SORCS1: variants seen among roughly 807,000 people sequenced by gnomAD.
The protein encoded by SORCS1 is sortilin related VPS10 domain containing receptor 1.
A neutral mutation model predicts 146.1 loss-of-function variants in SORCS1; 60 were observed. The observed-to-expected ratio is 0.41, with a 90% CI of 0.33 to 0.51. The LOEUF (loss-of-function observed/expected upper bound fraction) is 0.51. SORCS1 is among the 20% of genes least tolerant of loss of function. The pLI is 0.21. For synonymous variants in SORCS1, 637 were observed against 584.0 expected (o/e 1.09, Z -1.31); for missense variants, 1,352 against 1,487.6 (o/e 0.91, Z 1.50).
chr10:106,734,233 G>A (rs1413652017), intron 5 of SORCS1, among the ~76,000 whole-genome samples: 4 of 152,152 alleles, frequency 2.6e-5, no homozygotes, highest in Non-Finnish European at 5.9e-5. Context: ...TTTTATGGAA[G>A]GGAAAGGGAG....
In SORCS1 at chr10:106,637,359, T is replaced by C. The variant is rs146078808; in HGVS notation, c.2476-7971A>G. On this transcript the variant is annotated intron_variant, in intron 18 of 25. Transcript: ENST00000263054. ...TTCCCAGGATGTCTGGTTTGAATCA[T>C]GCTGTATAGGTGTTTCTTCACTTTC... Among the ~76,000 whole-genome samples, 30 of 152,324 alleles carry C rather than the reference T, an allele frequency of 2.0e-4. No individual in the cohort carries two copies. The East Asian group carries it at 5.4e-3, about 27-fold the overall frequency.
rs201562792 is a variant in SORCS1, at chr10:107,125,758, CT to C, written c.558+38210del. Among the ~76,000 whole-genome samples the C allele has an allele frequency of 8.2e-4, 125 of 152,258 alleles. 2 individuals are homozygous for C. The East Asian group carries it at 0.019, about 23-fold the overall frequency. On this transcript the variant is annotated intron_variant, in intron 1 of 25. Transcript: ENST00000263054. The stretch of plus-strand genomic sequence containing the variant: ...TGTGTCTTAATTGAATCATTCAGTT[CT>C]TTTTTTCCCCCTCTGCTACTAATAA...
chr10:106,857,909 T>C (rs946661411), intron 2 of SORCS1, among the ~76,000 whole-genome samples: 8 of 152,152 alleles, frequency 5.3e-5, no homozygotes, highest in Admixed American at 2.6e-4. Context: ...CTGAAGGAAA[T>C]TGTCTCCTGC....
At chr10:107,088,771 G>A (rs1963956883) in intron 1 of SORCS1, among the ~76,000 whole-genome samples, 1 of 152,112 alleles carries the variant, frequency 6.6e-6, no homozygotes, top group Non-Finnish European at 1.5e-5. Context: ...AAATGGTAGG[G>A]CCTTAGAATA....
rs181055214 is a variant in SORCS1 at position 106,885,597 on chromosome 10, T to C, written c.627-55924A>G. ...AGTGAAGGAACAGGCAGCCTCAGAATAGGGGAAGCAAGGATGCTCAATGTA... is the reference window on the plus strand; with the variant it reads ...AGTGAAGGAACAGGCAGCCTCAGAACAGGGGAAGCAAGGATGCTCAATGTA... On this transcript the variant is annotated intron_variant, in intron 2 of 25. Transcript: ENST00000263054. 5.9e-5 allele frequency among the ~76,000 whole-genome samples: 9 copies of C among 152,262 alleles called. No homozygotes were observed. The East Asian group carries it at 1.7e-3, about 29-fold the overall frequency.
intron 6 of SORCS1, among the ~76,000 whole-genome samples, chr10:106,723,819 T>C (rs1206472853): frequency 1.3e-5 from 2 of 152,198 alleles, no homozygotes; most frequent in African/African-American, 4.8e-5. Flanking sequence ...ATCTGTGCCA[T>C]GGACCCCATC....
chr10:107,092,738 G>A (rs1221443036), intron 1 of SORCS1, among the ~76,000 whole-genome samples: 1 of 151,872 alleles, frequency 6.6e-6, no homozygotes, highest in African/African-American at 2.4e-5. Flanking sequence ...TCTTTTTGTG[G>A]CTTTTCACTG....
At chr10:106,914,510 T>C (rs1420113052) in intron 2 of SORCS1, among the ~76,000 whole-genome samples, 8 of 152,102 alleles carry the variant, frequency 5.3e-5, no homozygotes, top group Admixed American at 5.2e-4. Flanking sequence ...ACATGCAAAA[T>C]ACTGGACAGA....
intron 1 of SORCS1, among the ~76,000 whole-genome samples, chr10:106,957,981 A>C (rs1471898959): frequency 6.6e-6 from 1 of 152,198 alleles, no homozygotes; most frequent in Non-Finnish European, 1.5e-5. Context: ...AAGAAAAGGG[A>C]AGTTGATAAA....
intron 1 of SORCS1, among the ~76,000 whole-genome samples, chr10:107,084,569 T>C (rs1963621255): frequency 6.6e-6 from 1 of 151,708 alleles, no homozygotes; most frequent in South Asian, 2.1e-4. Flanking sequence ...TTTTCTGGCG[T>C]AAAAAAAATA....
chr10:106,750,820 G>C (rs909795031), intron 5 of SORCS1, among the ~76,000 whole-genome samples: 1 of 148,856 alleles, frequency 6.7e-6, no homozygotes, highest in African/African-American at 2.5e-5. Flanking sequence ...AGCACTTTGG[G>C]AGGCCGAGGC....
intron 3 of SORCS1, among the ~76,000 whole-genome samples, chr10:106,789,425 G>C (rs997906144): frequency 1.3e-5 from 2 of 152,150 alleles, no homozygotes; most frequent in Non-Finnish European, 2.9e-5. Flanking sequence ...GCTTCCTCCT[G>C]AATGCTTTGC....
intron 1 of SORCS1, among the ~76,000 whole-genome samples, chr10:107,078,998 G>A (rs527770127): frequency 3.3e-5 from 5 of 152,330 alleles, no homozygotes; most frequent in East Asian, 3.9e-4. Flanking sequence ...GGCCAATGCA[G>A]GTAGATCACG....
chr10:106,943,596 A>G (rs1426831957), intron 2 of SORCS1, among the ~76,000 whole-genome samples: 1 of 152,034 alleles, frequency 6.6e-6, no homozygotes, highest in Non-Finnish European at 1.5e-5. Context: ...TCATGAGGTC[A>G]GGAGATCAAG....
chr10:106,807,552 G>A (rs532405443), intron 3 of SORCS1, among the ~76,000 whole-genome samples: 1 of 152,274 alleles, frequency 6.6e-6, no homozygotes, highest in South Asian at 2.1e-4. Context: ...TTTTCACTGA[G>A]ATGTAAAACA....
chr10:106,617,085 G>A (rs1458804101), intron 21 of SORCS1, among the ~76,000 whole-genome samples: 1 of 152,004 alleles, frequency 6.6e-6, no homozygotes, highest in Non-Finnish European at 1.5e-5. Flanking sequence ...CTCCTGAGTA[G>A]CTGGGATTAC....
At chr10:106,636,763 A>G (rs1848751012) in intron 18 of SORCS1, among the ~76,000 whole-genome samples, 1 of 152,188 alleles carries the variant, frequency 6.6e-6, no homozygotes, top group Non-Finnish European at 1.5e-5. Context: ...CTTCAACCCT[A>G]AAAGAACTCA....
chr10:106,702,270 A>G (rs1184674625), intron 8 of SORCS1, among the ~76,000 whole-genome samples: 3 of 152,132 alleles, frequency 2.0e-5, no homozygotes, highest in East Asian at 1.9e-4. Context: ...ACTATTCCCA[A>G]TTCATCTTCC....
intron 2 of SORCS1, among the ~76,000 whole-genome samples, chr10:106,907,110 T>C (rs1375817599): frequency 6.6e-6 from 1 of 152,224 alleles, no homozygotes; most frequent in Non-Finnish European, 1.5e-5. Context: ...TTAGTGCAAC[T>C]GTTCTGGAGA....
Sources: gnomAD v4.1 joint callset for allele counts (sites outside exome capture counted in the v4.1 genomes callset) on GRCh38, gnomAD v4.1.1 for gene constraint, MANE v1.5 for transcripts, NCBI Gene and HGNC (gene_info 2026-07-23, HGNC 2026-07-21) for gene names.